The following BCKDHA variants were observed in gnomAD, a reference collection of about 807,000 sequenced individuals.
BCKDHA encodes the protein branched chain keto acid dehydrogenase E1 subunit alpha.
BCKDHA carries 43 observed loss-of-function variants against 52.2 expected under a neutral mutation model. That is an observed-to-expected ratio of 0.82 (90% CI 0.64 to 1.06). The LOEUF is 1.06. Ranked by LOEUF, BCKDHA falls within the 50% of genes least tolerant of loss-of-function variation. The probability of loss-of-function intolerance (pLI) is 0.00; values close to 1 mark genes in which losing one functional copy is unlikely to be tolerated. For missense variants in BCKDHA, 527 were observed against 621.3 expected, an observed-to-expected ratio of 0.85 and a Z score of 1.61; for synonymous variants, 234 against 247.9, an observed-to-expected ratio of 0.94 and a Z score of 0.53.
intron 4 of BCKDHA, 40 bp downstream of exon 4, chr19:41,414,197 A>G: frequency 1.3e-6 from 2 of 1,577,582 alleles, no homozygotes; most frequent in Non-Finnish European, 1.7e-6. Context: ...TCCCCATTGA[A>G]GTGTACACTT....
At chr19:41,418,703 T>TG in intron 4 of BCKDHA, 1 of 448,194 alleles carries the variant, frequency 2.2e-6, no homozygotes, top group Non-Finnish European at 4.4e-6. Context: ...GCTAATGTTT[T>TG]GATTTTTTTT....
chr19:41,424,107 C>T lies in BCKDHA; in HGVS notation c.1168-331C>T, dbSNP rs183144728. Among the ~76,000 whole-genome samples the T allele has an allele frequency of 1.4e-4, 22 of 152,270 alleles. No homozygotes were observed. The South Asian group carries it at 3.5e-3, about 24-fold the overall frequency. On this transcript the variant is annotated intron_variant, in intron 8 of 8. Transcript: ENST00000269980. ...GGCCCGGTCATTAGGACCCAGGGCC[C>T]GTGCAGCCCAGTGGTGAGGGCAGCA...
intron 1 of BCKDHA, among the ~76,000 whole-genome samples, chr19:41,406,039 C>G (rs1427084588): frequency 6.6e-6 from 1 of 152,120 alleles, no homozygotes; most frequent in African/African-American, 2.4e-5. Context: ...CCACCCACTC[C>G]CATTATGGAG....
intron 1 of BCKDHA, among the ~76,000 whole-genome samples, chr19:41,400,742 G>A (rs915977544): frequency 3.3e-5 from 5 of 151,790 alleles, no homozygotes; most frequent in Non-Finnish European, 7.4e-5. Context: ...GGGTGCGGTG[G>A]CTCATGCCTG....
intron 2 of BCKDHA, 40 bp from the exon 3 acceptor site, chr19:41,410,883 G>C (rs2039245583): frequency 6.2e-7 from 1 of 1,613,814 alleles, no homozygotes; most frequent in Non-Finnish European, 8.5e-7. Context: ...CTCCTCTCTG[G>C]TCCCAACTGC....
At chr19:41,417,178 AT>A (rs143101414) in intron 4 of BCKDHA, among the ~76,000 whole-genome samples, 51 of 149,902 alleles carry the variant, frequency 3.4e-4, no homozygotes, top group African/African-American at 1.1e-3. Context: ...CACCTGGCTA[AT>A]TTTTTTTTTG....
intron 4 of BCKDHA, 70 bp downstream of exon 4, chr19:41,414,227 T>TC: frequency 7.0e-7 from 1 of 1,434,752 alleles, no homozygotes; most frequent in Admixed American, 1.8e-5. Context: ...TGAGTGTTCT[T>TC]CCAGGAGCAG....
chr19:41,419,943 A>AT (rs1440628143), intron 5 of BCKDHA, among the ~76,000 whole-genome samples: 1 of 151,026 alleles, frequency 6.6e-6, no homozygotes, highest in Admixed American at 6.6e-5. Context: ...AAATTTTTGT[A>AT]TTTTTTGTAG....
rs745668397 is a variant in BCKDHA at position 41,419,240 on chromosome 19, G to A, written c.590G>A (p.Cys197Tyr). The change falls in exon 5 of 9, where the codon TGC (cysteine) becomes TAC (tyrosine). Residue 197 changes from cysteine to tyrosine, a missense_variant. Physicochemically the swap from Cys to Tyr is radical, Grantham distance 194. Transcript: ENST00000269980. ...CGCCAGATGCCTGTCCACTACGGCT[G>A]CAAGGAACGCCACTTCGTCACTATC... ...KGRQMPVHYG[C>Y]KERHFVTISS... The A allele has an allele frequency of 6.2e-7, 1 of 1,614,224 alleles. No homozygotes were observed. The highest frequency in any genetic ancestry group is 8.5e-7 in the Non-Finnish European group (1 of 1,180,046).
intron 1 of BCKDHA, 82 bp from the exon 2 acceptor site, chr19:41,410,555 G>A (rs1283011713): frequency 1.5e-5 from 23 of 1,515,910 alleles, no homozygotes; most frequent in East Asian, 4.7e-5. Context: ...CCACCATGCC[G>A]CCTGCCTGCC....
At position 41,399,780 on chromosome 19, in the gene BCKDHA, C is replaced by T. The variant is rs1165802308; in HGVS notation, c.108+1845C>T. ...TCTCTTTCTTTCTGTACCTCTCTTT[C>T]CTTTTTCTTTTTTTTTCTTTTTTGA... is the stretch of plus-strand genomic sequence containing the variant. On this transcript the variant is annotated intron_variant, in intron 1 of 8. Transcript: ENST00000269980. 2.0e-5 allele frequency: 3 copies of T among 148,650 alleles called. No individual in the cohort carries two copies. The Admixed American group carries it at 2.0e-4, about 10-fold the overall frequency. The allele number at this position is 148,650 out of a possible 1,614,324, so 9.2% of individuals were successfully genotyped here.
At chr19:41,422,960 G>GA in intron 7 of BCKDHA, 38 bp from the exon 8 acceptor site, 2 of 1,521,284 alleles carry the variant, frequency 1.3e-6, no homozygotes, top group Non-Finnish European at 1.8e-6. Context: ...CCACTCCAGG[G>GA]AGCCCACACT....
intron 4 of BCKDHA, chr19:41,415,595 A>G (rs576493746): frequency 6.6e-6 from 1 of 151,930 alleles, no homozygotes; most frequent in South Asian, 2.1e-4. Flanking sequence ...GGTGTTCATC[A>G]TGATAGGTAG....
intron 3 of BCKDHA, 53 bp from the exon 4 acceptor site, chr19:41,413,996 G>C: frequency 6.8e-7 from 1 of 1,479,326 alleles, no homozygotes; most frequent in South Asian, 1.1e-5. Flanking sequence ...ATGGCTCTCT[G>C]TCATTGCCCA....
intron 3 of BCKDHA, 23 bp downstream of exon 3, chr19:41,411,032 G>C (rs779124818): frequency 3.2e-5 from 51 of 1,612,454 alleles, no homozygotes; most frequent in Non-Finnish European, 4.2e-5. Context: ...AGGACTAGGG[G>C]CGGGGGGCTG....
chr19:41,400,671 C>T (rs771256534), intron 1 of BCKDHA, among the ~76,000 whole-genome samples: 2 of 152,132 alleles, frequency 1.3e-5, no homozygotes, highest in African/African-American at 2.4e-5. Flanking sequence ...GCGTGAGCCA[C>T]CTTGCCTGGC....
In BCKDHA at chr19:41,419,170, T is replaced by C; in HGVS notation, c.520T>C (p.Phe174Leu). The change falls in exon 5 of 9, where the codon TTC becomes CTC. Residue 174 changes from phenylalanine to leucine, a missense_variant. Physicochemically the swap from Phe to Leu is conservative, Grantham distance 22. Coordinates refer to ENST00000269980, the MANE Select transcript of BCKDHA (RefSeq NM_000709.4). ...LMYRDYPLEL[F>L]MAQCYGNISD... ...GTATCGGGACTACCCCCTGGAACTA[T>C]TCATGGCCCAGTGCTATGGCAACAT... The C allele has an allele frequency of 6.2e-7, 1 of 1,614,220 alleles. No homozygotes were observed. The highest frequency in any genetic ancestry group is 8.5e-7 in the Non-Finnish European group (1 of 1,180,032).
In BCKDHA at chr19:41,410,929, A is replaced by G; in HGVS notation, c.295A>G (p.Lys99Glu). 1 of 1,614,004 alleles carries G rather than the reference A, an allele frequency of 6.2e-7. No homozygotes were observed. ...INPSEDPHLP[K>E]EKVLKLYKSM... ...TCTGTGCCTCCACCCGCAGCTGCCGAAGGAGAAGGTGCTGAAGCTCTACAA... is the reference window on the plus strand; with the variant it reads ...TCTGTGCCTCCACCCGCAGCTGCCGGAGGAGAAGGTGCTGAAGCTCTACAA... Residue 99 changes from lysine (K) to glutamate (E), a missense_variant, in exon 3 of 9, where the codon AAG becomes GAG. Physicochemically the swap from Lys to Glu is moderately conservative, Grantham distance 56 (BLOSUM62 1). Coordinates refer to ENST00000269980, the MANE Select transcript of BCKDHA (RefSeq NM_000709.4).
rs539261230 is a variant in BCKDHA at position 41,424,600 on chromosome 19, G to A, written c.1330G>A (p.Asp444Asn). Reference protein sequence around the residue: ...YGEHYPLDHFDK With the variant: ...YGEHYPLDHFNK ...GGAGCACTACCCACTGGATCACTTC[G>A]ATAAGTGAGACCTGCTCAGCCCACC... is the stretch of plus-strand genomic sequence containing the variant. The change falls in exon 9 of 9, where the codon GAT becomes AAT. Residue 444 changes from aspartate to asparagine, a missense_variant. Asp to Asn is a conservative substitution (Grantham distance 23). Transcript: ENST00000269980. 5.6e-6 allele frequency: 9 copies of A among 1,601,972 alleles called. No individual in the cohort carries two copies. Among genetic ancestry groups the A allele is most frequent in the Admixed American group, 1.7e-5 (1 of 59,544 alleles).
Sources: allele counts gnomAD v4.1 joint callset (sites outside exome capture counted in the v4.1 genomes callset), GRCh38; gene constraint gnomAD v4.1.1; transcripts MANE v1.5; gene names NCBI Gene and HGNC (gene_info 2026-07-23, HGNC 2026-07-21).